BOP1: variants seen among roughly 807,000 people sequenced by gnomAD.
The protein encoded by BOP1 is ribosome biogenesis protein BOP1.
A neutral mutation model predicts 82.9 loss-of-function variants in BOP1; 54 were observed. The observed-to-expected ratio is 0.65, with a 90% CI of 0.52 to 0.82. The LOEUF is 0.82. BOP1 is among the 40% of genes least tolerant of loss of function. The pLI is 0.00. For synonymous variants in BOP1, 566 were observed against 451.1 expected, an observed-to-expected ratio of 1.25 and a Z score of -3.23; for missense variants, 1,170 against 1,072.0, an observed-to-expected ratio of 1.09 and a Z score of -1.28.
intron 2 of BOP1, chr8:144,281,670 T>C (rs2130254972): frequency 6.6e-6 from 1 of 151,814 alleles, no homozygotes; most frequent in Admixed American, 6.6e-5. Flanking sequence ...TAGTGCTTTT[T>C]TCTTTCAAGA....
At position 144,269,105 on chromosome 8, in the gene BOP1, G is replaced by T. The variant is rs960019306; in HGVS notation, c.391-4034C>A. The stretch of plus-strand genomic sequence containing the variant: ...TGGCCATCCTCCTCCCACCACCACG[G>T]CCCATCCAGCCCCCTGAAGACCCCG... On this transcript the variant is annotated intron_variant, in intron 3 of 15. Transcript: ENST00000569669. Among the ~76,000 whole-genome samples, 1,308 of 152,322 alleles carry T rather than the reference G, an allele frequency of 8.6e-3. 20 individuals carry two copies. Among genetic ancestry groups the T allele is most frequent in the African/African-American group, 0.03 (1,253 of 41,576 alleles).
At chr8:144,289,953 C>T (rs1218021241) in intron 1 of BOP1, among the ~76,000 whole-genome samples, 1 of 152,242 alleles carries the variant, frequency 6.6e-6, no homozygotes, top group Non-Finnish European at 1.5e-5. Flanking sequence ...TCTCTCTGAG[C>T]AGGACCACAG....
intron 2 of BOP1, among the ~76,000 whole-genome samples, chr8:144,277,376 C>G (rs1319472142): frequency 6.6e-6 from 1 of 152,248 alleles, no homozygotes; most frequent in Non-Finnish European, 1.5e-5. Flanking sequence ...GCCCCCACAG[C>G]CGCAGCAGAT....
At chr8:144,268,584 T>G in intron 3 of BOP1, 5 of 213,438 alleles carry the variant, frequency 2.3e-5, no homozygotes, top group Non-Finnish European at 2.8e-5. Context: ...TTGGGCCAAG[T>G]ACCCCGGCTC....
In BOP1 at chr8:144,276,268, C is replaced by T. The variant is rs760786450; in HGVS notation, c.346G>A (p.Ala116Thr). ...TCCGCATACTCATCCCCAATCCGGG[C>T]GCTCGCCATCTCTGTCCTCGGGCAA... Reference protein sequence around the residue: ...TPCPRTEMASARIGDEYAEDS... With the variant: ...TPCPRTEMASTRIGDEYAEDS... Residue 116 changes from alanine (A) to threonine (T), a missense_variant, in exon 3 of 16, where the codon GCC becomes ACC. Transcript: ENST00000569669. The T allele has an allele frequency of 7.7e-5, 124 of 1,613,506 alleles. No homozygotes were observed. In the East Asian group the frequency reaches 9.8e-4, roughly 13 times the overall value.
At position 144,290,628 on chromosome 8, in the gene BOP1, G is replaced by A. The variant is rs192233447; in HGVS notation, c.99+644C>T. 3.7e-3 allele frequency among the ~76,000 whole-genome samples: 568 copies of A among 152,370 alleles called. 8 individuals are homozygous for A. Among genetic ancestry groups the A allele is most frequent in the African/African-American group, 0.013 (550 of 41,590 alleles). ...CCTGAGGACCGTTTAGTCCAAGGGTGGAAGTCGCAGAACCTGGCGCCTAGA... is the reference window on the plus strand; with the variant it reads ...CCTGAGGACCGTTTAGTCCAAGGGTAGAAGTCGCAGAACCTGGCGCCTAGA... On this transcript the variant is annotated intron_variant, in intron 1 of 15. Transcript: ENST00000569669.
chr8:144,284,951 C>G (rs1286857100), intron 2 of BOP1, among the ~76,000 whole-genome samples: 3 of 152,224 alleles, frequency 2.0e-5, no homozygotes, highest in African/African-American at 7.2e-5. Context: ...CCGCCAGCAG[C>G]TGACCCCCAG....
chr8:144,290,360 G>GAAAGAAAAGGA (rs1218951910), intron 1 of BOP1, among the ~76,000 whole-genome samples: 1 of 150,294 alleles, frequency 6.7e-6, no homozygotes, highest in Non-Finnish European at 1.5e-5. Context: ...AAAGAAAAAA[G>GAAAGAAAAGGA]AAAGAAAAGG....
At chr8:144,266,657 T>C in intron 3 of BOP1, 12 of 1,257,952 alleles carry the variant, frequency 9.5e-6, no homozygotes, top group Non-Finnish European at 1.2e-5. Context: ...GGCCGCTACC[T>C]GTACCCCGAG....
Position 144,262,581 on chromosome 8 carries a change from T to TCCTCA in BOP1, c.1979+2_1979+6dup. On this transcript the variant is annotated splice_region_variant and intron_variant, in intron 14 of 15. Coordinates refer to ENST00000569669, the MANE Select transcript of BOP1 (RefSeq NM_015201.5). Reference sequence around the variant, plus strand: ...TGCTGGCCGCCTCCACCCCCAGCTTTCCTCACCTCAGCATCCTGTATGGCT... The same window carrying TCCTCA: ...TGCTGGCCGCCTCCACCCCCAGCTTTCCTCACCTCACCTCAGCATCCTGTATGGCT... 1.9e-5 allele frequency: 31 copies of TCCTCA among 1,613,154 alleles called. No individual in the cohort carries two copies. Among genetic ancestry groups the TCCTCA allele is most frequent in the Non-Finnish European group, 2.2e-5 (26 of 1,179,792 alleles).
chr8:144,291,284 C>A lies in BOP1; in HGVS notation c.87G>T (p.Glu29Asp). The A allele has an allele frequency of 6.8e-7, 1 of 1,461,386 alleles. No individual in the cohort carries two copies. 90.5% of individuals were successfully genotyped at this position (1,461,386 alleles called of 1,614,324 possible). A position where few individuals can be genotyped will look rare whatever the true frequency, so the allele number is the denominator to read the frequency against. Residue 29 changes from glutamate (E) to aspartate (D), a missense_variant, in exon 1 of 16, where the codon GAG (glutamate) becomes GAT (aspartate). Glu to Asp is a conservative substitution (Grantham distance 45). Transcript: ENST00000569669. This position sits in a 1 kb window ranked among gnomAD's most constrained non-coding sequence, Gnocchi z 4.1. ...KRRSEPELEPEPEPEPPLLCT... is the reference protein window; with the variant it reads ...KRRSEPELEPDPEPEPPLLCT... ...TCGCCACAGTCACCTCCGGCTCGGGCTCAGGCTCCAGTTCGGGCTCAGACC... is the reference window on the plus strand; with the variant it reads ...TCGCCACAGTCACCTCCGGCTCGGGATCAGGCTCCAGTTCGGGCTCAGACC...
chr8:144,287,157 G>A (rs1318648125), intron 2 of BOP1, among the ~76,000 whole-genome samples: 2 of 152,148 alleles, frequency 1.3e-5, no homozygotes, highest in South Asian at 2.1e-4. Flanking sequence ...TTACAGGCAC[G>A]CGCCACCACG....
intron 8 of BOP1, 29 bp downstream of exon 8, chr8:144,263,952 C>T: frequency 6.2e-7 from 1 of 1,611,220 alleles, no homozygotes; most frequent in Middle Eastern, 1.7e-4. Flanking sequence ...CCCCCTGTGC[C>T]ACCCCCCTGG....
intron 2 of BOP1, among the ~76,000 whole-genome samples, chr8:144,287,007 G>A (rs892846963): frequency 6.6e-6 from 1 of 152,320 alleles, no homozygotes; most frequent in Non-Finnish European, 1.5e-5. Context: ...GTTATTATGC[G>A]AAAACATTGT....
intron 2 of BOP1, among the ~76,000 whole-genome samples, chr8:144,284,468 G>A (rs1416374116): frequency 5.3e-5 from 8 of 152,178 alleles, no homozygotes; most frequent in African/African-American, 1.4e-4. Flanking sequence ...GGCACTCTAC[G>A]GGCACCAAGC....
chr8:144,273,627 C>G (rs1439931400), intron 3 of BOP1, among the ~76,000 whole-genome samples: 1 of 152,268 alleles, frequency 6.6e-6, no homozygotes, highest in Non-Finnish European at 1.5e-5. Flanking sequence ...GGAGGGGCTG[C>G]TTCGGCAAAG....
chr8:144,267,786 C>T (rs1845412442), intron 3 of BOP1, among the ~76,000 whole-genome samples: 1 of 152,228 alleles, frequency 6.6e-6, no homozygotes, highest in African/African-American at 2.4e-5. Flanking sequence ...TGATTTACAG[C>T]TCCTGCTGTG....
chr8:144,277,416 G>A (rs1218240653), intron 2 of BOP1, among the ~76,000 whole-genome samples: 6 of 152,332 alleles, frequency 3.9e-5, no homozygotes, highest in Admixed American at 2.0e-4. Flanking sequence ...CCCCAGACGC[G>A]CACAAGGGCA....
rs1321907779 is a variant in BOP1 at position 144,262,572 on chromosome 8, C to T, written c.1979+16G>A. 7.4e-6 allele frequency: 12 copies of T among 1,613,168 alleles called. No individual in the cohort carries two copies. The highest frequency in any genetic ancestry group is 1.1e-5 in the South Asian group (1 of 91,080). On this transcript the variant is annotated intron_variant, in intron 14 of 15. Transcript: ENST00000569669. ...GAGGGGCTCTGCTGGCCGCCTCCACCCCCAGCTTTCCTCACCTCAGCATCC... is the reference window on the plus strand; with the variant it reads ...GAGGGGCTCTGCTGGCCGCCTCCACTCCCAGCTTTCCTCACCTCAGCATCC...
Sources: allele counts gnomAD v4.1 joint callset (sites outside exome capture counted in the v4.1 genomes callset), GRCh38; gene constraint gnomAD v4.1.1; non-coding constraint Gnocchi (gnomAD v3.1); transcripts MANE v1.5; gene names NCBI Gene and HGNC (gene_info 2026-07-23, HGNC 2026-07-21).